Variants in ITGB8 observed in about 807,000 individuals in gnomAD.
ITGB8 encodes integrin subunit beta 8.
In ITGB8, 30 loss-of-function variants were observed where a neutral mutation model predicts 89.5. The ratio of observed to expected loss-of-function variants is 0.34; its 90% CI spans 0.25 to 0.45. The LOEUF (loss-of-function observed/expected upper bound fraction) is 0.45, where lower values mean the gene tolerates loss of function less well. ITGB8 is among the 20% of genes least tolerant of loss of function. The pLI is 1.00. For missense variants in ITGB8, 836 were observed against 933.3 expected (o/e 0.90, Z 1.36); for synonymous variants, 335 against 320.4 (o/e 1.05, Z -0.49).
At chr7:20,405,923 T>A (rs1787520812) in intron 11 of ITGB8, 139 bp from the exon 12 acceptor site, 1 of 572,724 alleles carries the variant, frequency 1.7e-6, no homozygotes, top group Non-Finnish European at 3.1e-6. Context: ...GATGTAATGA[T>A]GGAGTTAGTT....
intron 6 of ITGB8, among the ~76,000 whole-genome samples, chr7:20,382,802 C>T (rs746716718): frequency 2.6e-5 from 4 of 152,092 alleles, no homozygotes; most frequent in Non-Finnish European, 4.4e-5. Flanking sequence ...TAGTAAGTAA[C>T]TTCAGAAATT....
intron 1 of ITGB8, among the ~76,000 whole-genome samples, chr7:20,345,928 G>C (rs1784908185): frequency 6.6e-6 from 1 of 152,164 alleles, no homozygotes; most frequent in Non-Finnish European, 1.5e-5. Flanking sequence ...GTCAGGAATT[G>C]ACATAGGAGT....
chr7:20,381,627 C>G (rs912164061), intron 5 of ITGB8, 100 bp from the exon 6 acceptor site: 2 of 856,154 alleles, frequency 2.3e-6, no homozygotes, highest in Non-Finnish European at 3.7e-6. Context: ...TCTAGCCTGA[C>G]TTACTGTTCG....
rs573924769 is a variant in ITGB8 at position 20,330,917 on chromosome 7, C to G, written c.-890C>G. The G allele has an allele frequency of 6.6e-6, 1 of 152,582 alleles. No homozygotes were observed. The highest frequency in any genetic ancestry group is 2.4e-5 in the African/African-American group (1 of 41,602). 9.5% of individuals were successfully genotyped at this position (152,582 alleles called of 1,614,324 possible). ...TGCACCCCAGAGCGCGCCAGCAACT[C>G]GGGCTCTGGACTGCGGGACGCCTGA... On this transcript the variant is annotated 5_prime_UTR_variant, in exon 1 of 14. Transcript: ENST00000222573.
intron 3 of ITGB8, chr7:20,377,246 G>C (rs1194569509): frequency 1.3e-5 from 2 of 152,108 alleles, no homozygotes; most frequent in African/African-American, 2.4e-5. Context: ...TCTTTAGACA[G>C]AGCCACCATA....
chr7:20,362,011 G>GT (rs1048027215), intron 1 of ITGB8, among the ~76,000 whole-genome samples: 134 of 152,274 alleles, frequency 8.8e-4, no homozygotes, highest in African/African-American at 3.1e-3. Flanking sequence ...AACATTAAAG[G>GT]TATTAGGGAA....
chr7:20,401,097 C>T (rs1787290489), intron 9 of ITGB8, among the ~76,000 whole-genome samples: 1 of 152,034 alleles, frequency 6.6e-6, no homozygotes, highest in South Asian at 2.1e-4. Flanking sequence ...GCCTCAGCCT[C>T]CCTCCCAAGT....
At chr7:20,365,939 A>T (rs867750987) in intron 2 of ITGB8, 8 of 151,836 alleles carry the variant, frequency 5.3e-5, no homozygotes, top group African/African-American at 1.9e-4. Flanking sequence ...AATGGTAACA[A>T]CGTAAACCTG....
chr7:20,408,624 G>T (rs1347593031), intron 12 of ITGB8, among the ~76,000 whole-genome samples: 3 of 152,126 alleles, frequency 2.0e-5, no homozygotes, highest in African/African-American at 7.2e-5. Flanking sequence ...GTAGGGAGGG[G>T]AACACATGCC....
In ITGB8 at chr7:20,358,152, A is replaced by C. The variant is rs1234341905; in HGVS notation, c.128-5485A>C. On this transcript the variant is annotated intron_variant, in intron 1 of 13. Transcript: ENST00000222573. ...AGCTAATTTTTTGTATCTTTAGTAGAGACGGGGTTTCACTGTGATACCCAC... is the reference window on the plus strand; with the variant it reads ...AGCTAATTTTTTGTATCTTTAGTAGCGACGGGGTTTCACTGTGATACCCAC... Among the ~76,000 whole-genome samples, 4 of 152,048 alleles carry C rather than the reference A, an allele frequency of 2.6e-5. No individual in the cohort carries two copies. In the East Asian group the frequency reaches 5.8e-4, roughly 22 times the overall value.
At position 20,401,714 on chromosome 7, in the gene ITGB8, A is replaced by C; in HGVS notation, c.1282-7A>C. On this transcript the variant is annotated splice_region_variant and splice_polypyrimidine_tract_variant and intron_variant, in intron 9 of 13. Coordinates refer to ENST00000222573, the MANE Select transcript of ITGB8 (RefSeq NM_002214.3). Reference sequence around the variant, plus strand: ...TAAATATATTTCCTTTTTCCTCCTAAATTTAGGTTCTTTTCAATGTAACAG... The same window carrying C: ...TAAATATATTTCCTTTTTCCTCCTACATTTAGGTTCTTTTCAATGTAACAG... 2 of 1,509,384 alleles carry C rather than the reference A, an allele frequency of 1.3e-6. No homozygotes were observed. Among genetic ancestry groups the C allele is most frequent in the Non-Finnish European group, 8.8e-7 (1 of 1,130,026 alleles). 93.5% of individuals were successfully genotyped at this position (1,509,384 alleles called of 1,614,324 possible).
At chr7:20,353,878 G>C (rs1227815006) in intron 1 of ITGB8, among the ~76,000 whole-genome samples, 1 of 126,136 alleles carries the variant, frequency 7.9e-6, no homozygotes, top group African/African-American at 3.2e-5. Context: ...CTTGCAGTGA[G>C]CCGAGATCGC....
rs1208813375 is a variant in ITGB8, at chr7:20,409,834, T to C, written c.2188-41T>C. ...AGTATGTTATTGCCTAGTTACAATA[T>C]TTAGGCCCTTAGTTAATAATAATAT... On this transcript the variant is annotated intron_variant, in intron 13 of 13. Coordinates refer to ENST00000222573, the MANE Select transcript of ITGB8 (RefSeq NM_002214.3). 8.1e-6 allele frequency: 13 copies of C among 1,608,268 alleles called. No individual in the cohort carries two copies. In the African/African-American group the frequency reaches 1.5e-4, roughly 18 times the overall value.
chr7:20,412,842 T>G lies in ITGB8; in HGVS notation c.*2845T>G, dbSNP rs1774383032. The G allele has an allele frequency of 6.6e-6, 1 of 152,610 alleles. No homozygotes were observed. Among genetic ancestry groups the G allele is most frequent in the Non-Finnish European group, 1.5e-5 (1 of 68,002 alleles). 9.5% of individuals were successfully genotyped at this position (152,610 alleles called of 1,614,324 possible). A position where few individuals can be genotyped will look rare whatever the true frequency, so the allele number is the denominator to read the frequency against. On this transcript the variant is annotated 3_prime_UTR_variant, in exon 14 of 14. Coordinates refer to ENST00000222573, the MANE Select transcript of ITGB8 (RefSeq NM_002214.3). The stretch of plus-strand genomic sequence containing the variant: ...TAAGGGAACACAGGGTACTCTTAGG[T>G]TAAATAATGTATGCAAATAGAGTCT...
chr7:20,365,952 T>G (rs566114273), intron 2 of ITGB8: 2 of 151,948 alleles, frequency 1.3e-5, no homozygotes, highest in Admixed American at 1.3e-4. Context: ...TAAACCTGGC[T>G]TGAATAATTT....
At chr7:20,384,723 T>G (rs1409575792) in intron 6 of ITGB8, among the ~76,000 whole-genome samples, 1 of 152,204 alleles carries the variant, frequency 6.6e-6, no homozygotes, top group East Asian at 1.9e-4. Context: ...AAAAGAAAAA[T>G]AATGTTCTTG....
chr7:20,391,069 G>A (rs1367451420), intron 6 of ITGB8, among the ~76,000 whole-genome samples: 7 of 151,878 alleles, frequency 4.6e-5, no homozygotes, highest in Non-Finnish European at 8.8e-5. Context: ...TGCCACTAAC[G>A]TGTCTCTATT....
intron 6 of ITGB8, among the ~76,000 whole-genome samples, chr7:20,391,126 T>A (rs1786836327): frequency 6.6e-6 from 1 of 152,156 alleles, no homozygotes; most frequent in Admixed American, 6.5e-5. Flanking sequence ...GAGTCCAGTG[T>A]TAATCTAAAG....
intron 1 of ITGB8, among the ~76,000 whole-genome samples, chr7:20,346,153 C>G (rs1015264305): frequency 2.6e-5 from 4 of 152,098 alleles, no homozygotes; most frequent in African/African-American, 4.8e-5. Context: ...CAGGAAGACA[C>G]TTATACATCT....
Sources: allele counts gnomAD v4.1 joint callset (sites outside exome capture counted in the v4.1 genomes callset), GRCh38; gene constraint gnomAD v4.1.1; transcripts MANE v1.5; gene names NCBI Gene and HGNC (gene_info 2026-07-23, HGNC 2026-07-21).